The following ANK3 variants were observed in gnomAD, a reference collection of about 807,000 sequenced individuals.
ANK3 encodes ankyrin 3.
In ANK3, 57 loss-of-function variants were observed where a neutral mutation model predicts 370.9. That is an observed-to-expected ratio of 0.15 (90% CI 0.12 to 0.19). The LOEUF (loss-of-function observed/expected upper bound fraction) is 0.19. Ranked by LOEUF, ANK3 falls within the 10% of genes least tolerant of loss-of-function variation. The probability of loss-of-function intolerance (pLI) is 1.00; values close to 1 mark genes in which losing one functional copy is unlikely to be tolerated. For synonymous variants in ANK3, 1,929 were observed against 1,946.3 expected (o/e 0.99, Z 0.23); for missense variants, 4,439 against 5,302.1 (o/e 0.84, Z 5.06).
At chr10:60,255,869 A>G (rs1441017625) in intron 7 of ANK3, among the ~76,000 whole-genome samples, 2 of 152,230 alleles carry the variant, frequency 1.3e-5, no homozygotes, top group East Asian at 3.8e-4. Flanking sequence ...CCAGGTGTAG[A>G]GAAAACAGAC....
chr10:60,308,253 C>A (rs1338747583), intron 1 of ANK3, among the ~76,000 whole-genome samples: 2 of 150,632 alleles, frequency 1.3e-5, no homozygotes, highest in South Asian at 2.1e-4. Flanking sequence ...AGTTTAGAGA[C>A]CCAGTTTTGA....
chr10:60,611,871 A>C (rs547715499), intron 2 of ANK3, among the ~76,000 whole-genome samples: 1 of 151,344 alleles, frequency 6.6e-6, no homozygotes, highest in Admixed American at 6.6e-5. Context: ...CTATAGAGAC[A>C]CATTATCAAA....
chr10:60,117,948 G>A (rs10994209), intron 25 of ANK3, among the ~76,000 whole-genome samples: 51,749 of 152,096 alleles, frequency 0.34, 9,138 homozygotes, highest in Non-Finnish European at 0.39. Flanking sequence ...GGGAGGATAC[G>A]AAGTGTGCAT....
At chr10:60,308,787 T>C (rs2045748547) in intron 1 of ANK3, among the ~76,000 whole-genome samples, 2 of 152,132 alleles carry the variant, frequency 1.3e-5, no homozygotes, top group African/African-American at 4.8e-5. Flanking sequence ...CTTTTACTAA[T>C]ATGACTGATT....
chr10:60,224,976 C>T (rs1367617173), intron 8 of ANK3, among the ~76,000 whole-genome samples: 1 of 150,594 alleles, frequency 6.6e-6, no homozygotes, highest in Non-Finnish European at 1.5e-5. Context: ...TGTAATGGCA[C>T]AATCTCAGCT....
At chr10:60,285,861 T>C (rs2098236517) in intron 1 of ANK3, among the ~76,000 whole-genome samples, 1 of 152,180 alleles carries the variant, frequency 6.6e-6, no homozygotes, top group East Asian at 1.9e-4. Flanking sequence ...TTTATTTAAA[T>C]ATCCGAAGAT....
In ANK3 at chr10:60,264,388, G is replaced by A. The variant is rs1301289768; in HGVS notation, c.514-368C>T. Among the ~76,000 whole-genome samples the A allele has an allele frequency of 2.6e-5, 4 of 152,246 alleles. No individual in the cohort carries two copies. The East Asian group carries it at 7.7e-4, about 29-fold the overall frequency. On this transcript the variant is annotated intron_variant, in intron 5 of 43. Transcript: ENST00000280772. ...GGGCCAGGTGCGGTGGCTCATGCCT[G>A]TAATCTCAGCACTTTGGGAGGCAGA... is the stretch of plus-strand genomic sequence containing the variant.
At chr10:60,188,132 A>G (rs999615182) in intron 16 of ANK3, among the ~76,000 whole-genome samples, 5 of 152,192 alleles carry the variant, frequency 3.3e-5, no homozygotes, top group African/African-American at 1.2e-4. Flanking sequence ...GCCATGTATT[A>G]ATTACATGAA....
chr10:60,355,938 C>T (rs1209640291), intron 1 of ANK3, among the ~76,000 whole-genome samples: 1 of 152,112 alleles, frequency 6.6e-6, no homozygotes, highest in Non-Finnish European at 1.5e-5. Flanking sequence ...AAACAGAAGC[C>T]AGTTATTTCG....
At chr10:60,380,150 G>A (rs924776354) in intron 1 of ANK3, among the ~76,000 whole-genome samples, 1 of 152,070 alleles carries the variant, frequency 6.6e-6, no homozygotes, top group Non-Finnish European at 1.5e-5. Flanking sequence ...AGTAAATGAA[G>A]TAAAAGTCAT....
At chr10:60,514,351 T>A (rs1037976291) in intron 2 of ANK3, among the ~76,000 whole-genome samples, 1 of 152,040 alleles carries the variant, frequency 6.6e-6, no homozygotes, top group Admixed American at 6.6e-5. Flanking sequence ...GCAAACCCTA[T>A]CAGGAGTGAT....
chr10:60,289,776 A>C (rs2040903409), intron 1 of ANK3, among the ~76,000 whole-genome samples: 1 of 152,212 alleles, frequency 6.6e-6, no homozygotes, highest in Admixed American at 6.5e-5. Context: ...TGAACAAAGT[A>C]ACATGAGTTT....
At chr10:60,044,443 A>C (rs2076623269) in intron 42 of ANK3, 1 of 661,036 alleles carries the variant, frequency 1.5e-6, no homozygotes, top group Non-Finnish European at 1.9e-6. Flanking sequence ...TTTTAGAGAA[A>C]TAAGTTGTAA....
intron 1 of ANK3, among the ~76,000 whole-genome samples, chr10:60,285,831 GAAC>G (rs2098236271): frequency 2.0e-5 from 3 of 152,038 alleles, no homozygotes; most frequent in Admixed American, 1.3e-4. Context: ...ACAGAAATAT[GAAC>G]AATAGATTTC....
At chr10:60,053,821 C>T (rs1055320852) in intron 42 of ANK3, 18 of 1,007,098 alleles carry the variant, frequency 1.8e-5, no homozygotes, top group African/African-American at 3.4e-5. Flanking sequence ...TAGCCACAAA[C>T]GATACATCCT....
chr10:60,597,799 T>G (rs973306637), intron 2 of ANK3, among the ~76,000 whole-genome samples: 1 of 152,146 alleles, frequency 6.6e-6, no homozygotes, highest in African/African-American at 2.4e-5. Context: ...CCTTGAGCAA[T>G]AGGAACTGCA....
intron 2 of ANK3, among the ~76,000 whole-genome samples, chr10:60,435,914 C>T (rs972013212): frequency 6.6e-5 from 10 of 152,052 alleles, no homozygotes; most frequent in Non-Finnish European, 1.2e-4. Flanking sequence ...GGTGAAACCC[C>T]GTCTCTACTA....
At chr10:60,545,518 T>A (rs900669525) in intron 2 of ANK3, among the ~76,000 whole-genome samples, 29 of 151,996 alleles carry the variant, frequency 1.9e-4, no homozygotes, top group African/African-American at 7.0e-4. Flanking sequence ...TAAACCTTGG[T>A]TATAAAACTT....
At chr10:60,466,924 A>G (rs2065023969) in intron 2 of ANK3, among the ~76,000 whole-genome samples, 1 of 152,160 alleles carries the variant, frequency 6.6e-6, no homozygotes, top group South Asian at 2.1e-4. Flanking sequence ...AGGGGTTTCC[A>G]GGGTAATGGA....
Sources: gnomAD v4.1 joint callset for allele counts (sites outside exome capture counted in the v4.1 genomes callset) on GRCh38, gnomAD v4.1.1 for gene constraint, MANE v1.5 for transcripts, NCBI Gene and HGNC (gene_info 2026-07-23, HGNC 2026-07-21) for gene names.